The following ZNF536 variants were observed in gnomAD, a reference collection of about 807,000 sequenced individuals.
The protein encoded by ZNF536 is zinc finger protein 536.
A neutral mutation model predicts 84.5 loss-of-function variants in ZNF536; 13 were observed. That is an observed-to-expected ratio of 0.15 (90% CI 0.10 to 0.24). The LOEUF is 0.24. ZNF536 is among the 10% of genes least tolerant of loss of function. The probability of loss-of-function intolerance (pLI) is 1.00; values close to 1 mark genes in which losing one functional copy is unlikely to be tolerated. For missense variants in ZNF536, 1,536 were observed against 1,747.5 expected, an observed-to-expected ratio of 0.88 and a Z score of 2.16; for synonymous variants, 811 against 742.5, an observed-to-expected ratio of 1.09 and a Z score of -1.50.
chr19:30,353,471 T>G (rs2047997692), intron 3 of ZNF536, among the ~76,000 whole-genome samples: 1 of 152,100 alleles, frequency 6.6e-6, no homozygotes, highest in Admixed American at 6.5e-5. Context: ...TATTTCGTGT[T>G]AAGAAAAAGG....
intron 2 of ZNF536, among the ~76,000 whole-genome samples, chr19:30,455,376 C>T (rs1018223501): frequency 3.3e-5 from 5 of 151,990 alleles, no homozygotes; most frequent in Admixed American, 2.0e-4. Flanking sequence ...GTGTAAAGAT[C>T]GAATCAGGGT....
intron 1 of ZNF536, among the ~76,000 whole-genome samples, chr19:30,412,791 C>T (rs1032626188): frequency 3.3e-5 from 5 of 151,600 alleles, no homozygotes; most frequent in South Asian, 2.1e-4. Flanking sequence ...TTCTGTGTTC[C>T]GAGATGGTTT....
intron 2 of ZNF536, among the ~76,000 whole-genome samples, chr19:30,482,175 G>A (rs772474911): frequency 1.2e-4 from 18 of 152,034 alleles, no homozygotes; most frequent in Non-Finnish European, 2.1e-4. Flanking sequence ...ATGTAATGAC[G>A]TCTTTTCCTT....
chr19:30,690,290 C>G (rs1394216666), intron 1 of ZNF536, among the ~76,000 whole-genome samples: 1 of 152,144 alleles, frequency 6.6e-6, no homozygotes, highest in Admixed American at 6.5e-5. Flanking sequence ...CAGTGAAGAA[C>G]TAAGTCCTGT....
chr19:30,443,980 C>T lies in ZNF536; in HGVS notation c.418C>T (p.Arg140Cys), dbSNP rs746988855. 1 of 1,613,756 alleles carries T rather than the reference C, an allele frequency of 6.2e-7. No individual in the cohort carries two copies. The highest frequency in any genetic ancestry group is 1.1e-5 in the South Asian group (1 of 91,088). ...YPCPLCGKRF[R>C]FNSILSLHMR... ...GTGCCCACTCTGCGGCAAGCGCTTC[C>T]GCTTCAACAGCATCCTCTCCCTGCA... The change falls in exon 2 of 5, where the codon CGC (arginine) becomes TGC (cysteine). Residue 140 changes from arginine to cysteine, a missense_variant. Physicochemically the swap from Arg to Cys is radical, Grantham distance 180. This residue lies in a region of ZNF536 where 13 missense variants were observed against 76.5 expected (regional missense o/e 0.17). Transcript: ENST00000355537.
intron 2 of ZNF536, among the ~76,000 whole-genome samples, chr19:30,341,352 G>A (rs1462356123): frequency 6.6e-6 from 1 of 152,194 alleles, no homozygotes; most frequent in Non-Finnish European, 1.5e-5. Context: ...CCAGTTCGGT[G>A]GAAAGTACAA....
Position 30,551,373 on chromosome 19 carries a change from G to C in ZNF536, c.3895+1859G>C, listed in dbSNP as rs951155743. Among the ~76,000 whole-genome samples, 3 of 152,216 alleles carry C rather than the reference G, an allele frequency of 2.0e-5. No individual in the cohort carries two copies. In the East Asian group the frequency reaches 5.8e-4, roughly 29 times the overall value. ...TTTCGCACCAGGCGAGGTTGAATGG[G>C]AAGCCAACGTCAGGGAGCCTGCCGG... is the stretch of plus-strand genomic sequence containing the variant. On this transcript the variant is annotated intron_variant, in intron 4 of 4. Coordinates refer to ENST00000355537, the MANE Select transcript of ZNF536 (RefSeq NM_014717.3).
At chr19:30,672,841 T>A (rs989755814) in intron 1 of ZNF536, among the ~76,000 whole-genome samples, 4 of 152,134 alleles carry the variant, frequency 2.6e-5, no homozygotes, top group Non-Finnish European at 5.9e-5. Context: ...TTGAAGCAGG[T>A]GATCCCTGTG....
intron 3 of ZNF536, among the ~76,000 whole-genome samples, chr19:30,363,209 G>A (rs761114379): frequency 2.0e-5 from 3 of 152,140 alleles, no homozygotes; most frequent in East Asian, 1.9e-4. Context: ...AGTATTTCCC[G>A]ACCTATTCCC....
intron 3 of ZNF536, among the ~76,000 whole-genome samples, chr19:30,544,994 C>G (rs1175364380): frequency 6.6e-6 from 1 of 152,330 alleles, no homozygotes; most frequent in East Asian, 1.9e-4. Context: ...CCTGCTAAAC[C>G]ATTCATGGTT....
intron 1 of ZNF536, among the ~76,000 whole-genome samples, chr19:30,424,592 A>G (rs1475482209): frequency 6.6e-6 from 1 of 152,054 alleles, no homozygotes; most frequent in Non-Finnish European, 1.5e-5. Context: ...AAGTTACCCA[A>G]GGAGGGGATG....
chr19:30,626,238 G>A (rs1477046174), intron 1 of ZNF536, among the ~76,000 whole-genome samples: 2 of 152,210 alleles, frequency 1.3e-5, no homozygotes, highest in Admixed American at 6.5e-5. Flanking sequence ...TAAATCCCAC[G>A]TCTCTGCCGA....
intron 2 of ZNF536, among the ~76,000 whole-genome samples, chr19:30,325,544 A>G (rs2046995906): frequency 1.3e-5 from 2 of 152,294 alleles, no homozygotes; most frequent in South Asian, 4.1e-4. Flanking sequence ...AGAGCTGTGA[A>G]AGGCTGAGGG....
chr19:30,414,769 A>T (rs1455143006), intron 1 of ZNF536, among the ~76,000 whole-genome samples: 1 of 152,140 alleles, frequency 6.6e-6, no homozygotes, highest in African/African-American at 2.4e-5. Flanking sequence ...TGGTTTACTT[A>T]TTTTATTTCC....
intron 1 of ZNF536, among the ~76,000 whole-genome samples, chr19:30,390,205 A>C (rs1189504518): frequency 6.6e-6 from 1 of 152,172 alleles, no homozygotes; most frequent in Non-Finnish European, 1.5e-5. Flanking sequence ...AGAGAAGAGA[A>C]GCCTGCTAAT....
intron 1 of ZNF536, among the ~76,000 whole-genome samples, chr19:30,624,402 G>A (rs542403469): frequency 6.6e-6 from 1 of 152,152 alleles, no homozygotes; most frequent in African/African-American, 2.4e-5. Flanking sequence ...CTGGGAATCT[G>A]AGCCCGAGCC....
intron 1 of ZNF536, among the ~76,000 whole-genome samples, chr19:30,684,814 G>A (rs1357449488): frequency 6.6e-6 from 1 of 152,212 alleles, no homozygotes; most frequent in Non-Finnish European, 1.5e-5. Context: ...GACATGGGCA[G>A]CGGTCGGGAC....
intron 2 of ZNF536, among the ~76,000 whole-genome samples, chr19:30,509,279 A>G (rs1445783239): frequency 6.7e-6 from 1 of 148,480 alleles, no homozygotes; most frequent in Admixed American, 6.8e-5. Flanking sequence ...TATATTATGT[A>G]TAATATACAA....
rs950344073 is a variant in ZNF536, at chr19:30,286,028, C to T, written c.-120+1887C>T. 4.6e-5 allele frequency among the ~76,000 whole-genome samples: 7 copies of T among 152,244 alleles called. 1 individual carries two copies. The South Asian group carries it at 6.2e-4, about 14-fold the overall frequency. ...GGGAGAGAAGATGTGTGGGTGAAGA[C>T]GACGCAGGGCATCCTTTCCTTGGCT... On this transcript the variant is annotated intron_variant, in intron 2 of 5. Coordinates refer to the ZNF536 transcript ENST00000585628.
Sources: allele counts gnomAD v4.1 joint callset (sites outside exome capture counted in the v4.1 genomes callset), GRCh38; gene constraint gnomAD v4.1.1; regional missense constraint gnomAD v4.1.1; transcripts MANE v1.5; gene names NCBI Gene and HGNC (gene_info 2026-07-23, HGNC 2026-07-21).